The following MFSD6 variants were observed in gnomAD, a reference collection of about 807,000 sequenced individuals.
The protein encoded by MFSD6 is major facilitator superfamily domain-containing protein 6.
A neutral mutation model predicts 56.3 loss-of-function variants in MFSD6; 26 were observed. That is an observed-to-expected ratio of 0.46 (90% CI 0.34 to 0.64). MFSD6 has a LOEUF of 0.64. MFSD6 is among the 30% of genes least tolerant of loss of function. MFSD6 has a pLI of 0.01. For missense variants in MFSD6, 750 were observed against 986.2 expected (o/e 0.76, Z 3.21); for synonymous variants, 331 against 366.9 (o/e 0.90, Z 1.12).
At position 190,436,832 on chromosome 2, in the gene MFSD6, A is replaced by T; in HGVS notation, c.803A>T (p.Lys268Ile). 6.2e-7 allele frequency: 1 copy of T among 1,614,158 alleles called. No individual in the cohort carries two copies. ...ACCACTGTTATTGTTACCACCACCA[A>T]ATCTTTACCTTCTGACCAAGTCATG... Reference protein sequence around the residue: ...ETTTVIVTTTKSLPSDQVMLV... With the variant: ...ETTTVIVTTTISLPSDQVMLV... Residue 268 changes from lysine (K) to isoleucine (I), a missense_variant, in exon 3 of 8, where the codon AAA becomes ATA. Lys to Ile is a moderately radical substitution (Grantham distance 102). Transcript: ENST00000392328. This position sits in a 1 kb window ranked among gnomAD's most constrained non-coding sequence, Gnocchi z 5.3.
Position 190,469,939 on chromosome 2 carries a change from C to G in MFSD6, c.1630+84C>G. On this transcript the variant is annotated intron_variant, in intron 4 of 7. Coordinates refer to ENST00000392328, the MANE Select transcript of MFSD6 (RefSeq NM_017694.4). The surrounding 1 kb of genome is among the most constrained non-coding windows in gnomAD (Gnocchi z 5.3). ...GCCCAGTGGCCTTCAGCATCTGATT[C>G]TATAAAGGAAGGGCAGGCCTACTGT... 1.1e-6 allele frequency: 1 copy of G among 944,840 alleles called. No homozygotes were observed. Among genetic ancestry groups the G allele is most frequent in the Non-Finnish European group, 1.6e-6 (1 of 610,768 alleles). The allele number at this position is 944,840 out of a possible 1,614,324, so 58.5% of individuals were successfully genotyped here. A position where few individuals can be genotyped will look rare whatever the true frequency, so the allele number is the denominator to read the frequency against.
At position 190,436,087 on chromosome 2, in the gene MFSD6, T is replaced by A. The variant is rs774317648; in HGVS notation, c.58T>A (p.Tyr20Asn). 6.2e-7 allele frequency: 1 copy of A among 1,614,164 alleles called. No individual in the cohort carries two copies. Among genetic ancestry groups the A allele is most frequent in the Admixed American group, 1.7e-5 (1 of 60,022 alleles). The change falls in exon 3 of 8, where the codon TAT (tyrosine) becomes AAT (asparagine). Residue 20 changes from tyrosine (Y) to asparagine (N), a missense_variant. By Grantham distance (143) the Tyr-to-Asn change is moderately radical. Coordinates refer to ENST00000392328, the MANE Select transcript of MFSD6 (RefSeq NM_017694.4). The surrounding 1 kb of genome is among the most constrained non-coding windows in gnomAD (Gnocchi z 5.3). ...TGATGAAGAGGAACAGAAGAGAAAGTATGTGCTTGCAGATCCCTTTAATGG... is the reference window on the plus strand; with the variant it reads ...TGATGAAGAGGAACAGAAGAGAAAGAATGTGCTTGCAGATCCCTTTAATGG... ...TDDEEEQKRKYVLADPFNGIS... is the reference protein window; with the variant it reads ...TDDEEEQKRKNVLADPFNGIS...
rs931905043 is a variant in MFSD6, at chr2:190,489,565, C to A, written c.1793-203C>A. ...ATGCAGTTTTATAATCGATCAATGA[C>A]AGATCCAATATCAGCCCTGGGTCTC... On this transcript the variant is annotated intron_variant, in intron 5 of 7. Transcript: ENST00000392328. The surrounding 1 kb of genome is among the most constrained non-coding windows in gnomAD (Gnocchi z 6.6). Among the ~76,000 whole-genome samples the A allele has an allele frequency of 2.6e-5, 4 of 152,194 alleles. No individual in the cohort carries two copies. Among genetic ancestry groups the A allele is most frequent in the Non-Finnish European group, 4.4e-5 (3 of 68,026 alleles).
At position 190,437,627 on chromosome 2, in the gene MFSD6, CCTT is replaced by C. The variant is rs1686224052; in HGVS notation, c.1532+69_1532+71del. 3.5e-5 allele frequency: 53 copies of C among 1,498,866 alleles called. 1 individual carries two copies. The highest frequency in any genetic ancestry group is 2.8e-4 in the South Asian group (21 of 76,352). The allele number at this position is 1,498,866 out of a possible 1,614,324, so 92.8% of individuals were successfully genotyped here. On this transcript the variant is annotated intron_variant, in intron 3 of 7. Coordinates refer to ENST00000392328, the MANE Select transcript of MFSD6 (RefSeq NM_017694.4). This position sits in a 1 kb window ranked among gnomAD's most constrained non-coding sequence, Gnocchi z 5.9. ...CTTTATCTTTTTATGGTTTATAGCTCCTTCTACTACAATTTTAAGGTATTATAA... is the reference window on the plus strand; with the variant it reads ...CTTTATCTTTTTATGGTTTATAGCTCCTACTACAATTTTAAGGTATTATAA...
Position 190,431,376 on chromosome 2 carries a change from C to T in MFSD6, c.-53-4601C>T, listed in dbSNP as rs373820157. Among the ~76,000 whole-genome samples, 128 of 152,312 alleles carry T rather than the reference C, an allele frequency of 8.4e-4. No homozygotes were observed. Among genetic ancestry groups the T allele is most frequent in the African/African-American group, 3.0e-3 (125 of 41,558 alleles). The stretch of plus-strand genomic sequence containing the variant: ...GGCAGCTGGGAGGTGGAGGTTGTAG[C>T]GAGCCGAGATCACCCCACTGCACTC... On this transcript the variant is annotated intron_variant, in intron 2 of 7. Transcript: ENST00000392328. The surrounding 1 kb of genome is among the most constrained non-coding windows in gnomAD (Gnocchi z 4.4).
In MFSD6 at chr2:190,497,819, G is replaced by GA; in HGVS notation, c.2172+103dup. On this transcript the variant is annotated intron_variant, in intron 7 of 7. Transcript: ENST00000392328. This position sits in a 1 kb window ranked among gnomAD's most constrained non-coding sequence, Gnocchi z 5.2. Reference sequence around the variant, plus strand: ...CACTTTTCATTCAACAAGATTTATTGAAAGTCTGGTGGGGGAAATAGACAT... The same window carrying GA: ...CACTTTTCATTCAACAAGATTTATTGAAAAGTCTGGTGGGGGAAATAGACAT... 1 of 1,380,544 alleles carries GA rather than the reference G, an allele frequency of 7.2e-7. No homozygotes were observed. The highest frequency in any genetic ancestry group is 9.9e-7 in the Non-Finnish European group (1 of 1,013,062). The allele number at this position is 1,380,544 out of a possible 1,614,324, so 85.5% of individuals were successfully genotyped here.
chr2:190,447,984 G>T lies in MFSD6; in HGVS notation c.1532+10423G>T, dbSNP rs751752823. 7.2e-5 allele frequency among the ~76,000 whole-genome samples: 11 copies of T among 152,234 alleles called. No individual in the cohort carries two copies. The highest frequency in any genetic ancestry group is 1.3e-4 in the Non-Finnish European group (9 of 68,034). On this transcript the variant is annotated intron_variant, in intron 3 of 7. Coordinates refer to ENST00000392328, the MANE Select transcript of MFSD6 (RefSeq NM_017694.4). This position sits in a 1 kb window ranked among gnomAD's most constrained non-coding sequence, Gnocchi z 4.5. ...AAGAAAAGGCCATTGTTGCAAAGTG[G>T]TATAAATGGATCCAGGGCTTTTACT...
rs1689924085 is a variant in MFSD6 at position 190,499,715 on chromosome 2, A to G, written c.2173-300A>G. On this transcript the variant is annotated intron_variant, in intron 7 of 7. Coordinates refer to ENST00000392328, the MANE Select transcript of MFSD6 (RefSeq NM_017694.4). This position sits in a 1 kb window ranked among gnomAD's most constrained non-coding sequence, Gnocchi z 6.0. ...GCCACATGGCTTGGGGGGCTCAGTAAATATTTGCTGATGTAAACTGTTTAC... is the reference window on the plus strand; with the variant it reads ...GCCACATGGCTTGGGGGGCTCAGTAGATATTTGCTGATGTAAACTGTTTAC... 1 of 1,137,394 alleles carries G rather than the reference A, an allele frequency of 8.8e-7. No homozygotes were observed. Among genetic ancestry groups the G allele is most frequent in the South Asian group, 1.4e-5 (1 of 69,554 alleles). 70.5% of individuals were successfully genotyped at this position (1,137,394 alleles called of 1,614,324 possible).
Position 190,412,224 on chromosome 2 carries a change from A to T in MFSD6, c.-175-3068A>T. The T allele has an allele frequency of 1.0e-6, 1 of 985,166 alleles. No homozygotes were observed. 61.0% of individuals were successfully genotyped at this position (985,166 alleles called of 1,614,324 possible). On this transcript the variant is annotated intron_variant, in intron 1 of 7. Transcript: ENST00000392328. This position sits in a 1 kb window ranked among gnomAD's most constrained non-coding sequence, Gnocchi z 4.1. ...AAATCCAGAGCCATAATACATTCAG[A>T]CTTTTCAGAATCAAGAAAACACATG...
rs1196636078 is a variant in MFSD6 at position 190,487,040 on chromosome 2, T to A, written c.1631-1617T>A. On this transcript the variant is annotated intron_variant, in intron 4 of 7. Coordinates refer to ENST00000392328, the MANE Select transcript of MFSD6 (RefSeq NM_017694.4). This position sits in a 1 kb window ranked among gnomAD's most constrained non-coding sequence, Gnocchi z 5.5. ...TAAATTGTTTCTGCACTCATTTTTT[T>A]AACTGAACTATATATTAAGAAGCAT... Among the ~76,000 whole-genome samples, 1 of 152,164 alleles carries A rather than the reference T, an allele frequency of 6.6e-6. No homozygotes were observed. The highest frequency in any genetic ancestry group is 1.9e-4 in the East Asian group (1 of 5,194).
At chr2:190,435,002 CTCCTTATGAGAACCTAAGAAT>C (rs529815076) in intron 2 of MFSD6, among the ~76,000 whole-genome samples, 1 of 152,320 alleles carries the variant, frequency 6.6e-6, no homozygotes, top group Non-Finnish European at 1.5e-5. Flanking sequence ...AGGTTGTGTG[CTCCTTATGAGAACCTAAGAAT>C]TACCCTGATG....
rs75575191 is a variant in MFSD6 at position 190,431,892 on chromosome 2, T to A, written c.-53-4085T>A. On this transcript the variant is annotated intron_variant, in intron 2 of 7. Coordinates refer to ENST00000392328, the MANE Select transcript of MFSD6 (RefSeq NM_017694.4). The surrounding 1 kb of genome is among the most constrained non-coding windows in gnomAD (Gnocchi z 4.4). ...ATTCCTTTTATCTGTCCATCCTTTT[T>A]CTTTAAAAATATACATTATTCTGGT... is the stretch of plus-strand genomic sequence containing the variant. Among the ~76,000 whole-genome samples the A allele has an allele frequency of 5.9e-3, 900 of 152,342 alleles. 10 individuals are homozygous for A. Among genetic ancestry groups the A allele is most frequent in the African/African-American group, 0.021 (863 of 41,582 alleles).
chr2:190,432,217 AGAG>A (rs1315485739), intron 2 of MFSD6, among the ~76,000 whole-genome samples: 3 of 152,222 alleles, frequency 2.0e-5, no homozygotes. Context: ...CAGATTTTCT[AGAG>A]AAGAGGCTTT....
rs1690610966 is a variant in MFSD6 at position 190,412,745 on chromosome 2, T to C, written c.-175-2547T>C. 1 of 412,382 alleles carries C rather than the reference T, an allele frequency of 2.4e-6. No homozygotes were observed. Among genetic ancestry groups the C allele is most frequent in the Non-Finnish European group, 3.3e-6 (1 of 306,468 alleles). The allele number at this position is 412,382 out of a possible 1,614,324, so 25.5% of individuals were successfully genotyped here. On this transcript the variant is annotated intron_variant, in intron 1 of 7. Transcript: ENST00000392328. This position sits in a 1 kb window ranked among gnomAD's most constrained non-coding sequence, Gnocchi z 4.1. ...GAGAGGGGCTTGTGTCAGCCTGATT[T>C]GTTTTCCTAAATTCTGAATGATACG... is the stretch of plus-strand genomic sequence containing the variant.
intron 4 of MFSD6, among the ~76,000 whole-genome samples, chr2:190,478,902 A>G (rs1200331070): frequency 6.6e-6 from 1 of 152,096 alleles, no homozygotes; most frequent in African/African-American, 2.4e-5. Context: ...AAACACCACG[A>G]GAACTAGTAC....
At position 190,467,719 on chromosome 2, in the gene MFSD6, T is replaced by C. The variant is rs1375297236; in HGVS notation, c.1533-2039T>C. Among the ~76,000 whole-genome samples, 1 of 152,166 alleles carries C rather than the reference T, an allele frequency of 6.6e-6. No individual in the cohort carries two copies. Among genetic ancestry groups the C allele is most frequent in the Non-Finnish European group, 1.5e-5 (1 of 68,028 alleles). ...TTTTATATGGCCCGTGAACTAAGAA[T>C]AATAGTTTCTACATGTTTAAATGGT... On this transcript the variant is annotated intron_variant, in intron 3 of 7. Transcript: ENST00000392328. This position sits in a 1 kb window ranked among gnomAD's most constrained non-coding sequence, Gnocchi z 5.5.
rs1689784032 is a variant in MFSD6 at position 190,497,731 on chromosome 2, T to C, written c.2172+12T>C. The C allele has an allele frequency of 6.2e-7, 1 of 1,605,426 alleles. No homozygotes were observed. The highest frequency in any genetic ancestry group is 8.5e-7 in the Non-Finnish European group (1 of 1,173,446). ...TACAGCCTTTACAGGTACAGTTCCT[T>C]TGCTGGGCTAGCAATATTACCTGTC... is the stretch of plus-strand genomic sequence containing the variant. On this transcript the variant is annotated intron_variant, in intron 7 of 7. Coordinates refer to ENST00000392328, the MANE Select transcript of MFSD6 (RefSeq NM_017694.4). The surrounding 1 kb of genome is among the most constrained non-coding windows in gnomAD (Gnocchi z 5.2).
chr2:190,478,470 C>G (rs1278758974), intron 4 of MFSD6, among the ~76,000 whole-genome samples: 1 of 152,184 alleles, frequency 6.6e-6, no homozygotes, highest in Non-Finnish European at 1.5e-5. Context: ...TCCTGCATCA[C>G]AGAAATACAT....
In MFSD6 at chr2:190,499,661, G is replaced by GT. The variant is rs1326332419; in HGVS notation, c.2173-352dup. Among the ~76,000 whole-genome samples the GT allele has an allele frequency of 6.6e-6, 1 of 152,262 alleles. No homozygotes were observed. Among genetic ancestry groups the GT allele is most frequent in the Non-Finnish European group, 1.5e-5 (1 of 68,050 alleles). On this transcript the variant is annotated intron_variant, in intron 7 of 7. Coordinates refer to ENST00000392328, the MANE Select transcript of MFSD6 (RefSeq NM_017694.4). The surrounding 1 kb of genome is among the most constrained non-coding windows in gnomAD (Gnocchi z 6.0). ...GTCTTAGCAAGCGGCCTGAGTTTCA[G>GT]TTATTCCATAGTGCTTGCCCAGCGA...
Sources: gnomAD v4.1 joint callset for allele counts (sites outside exome capture counted in the v4.1 genomes callset) on GRCh38, gnomAD v4.1.1 for gene constraint, Gnocchi (gnomAD v3.1) non-coding constraint, MANE v1.5 for transcripts, NCBI Gene and HGNC (gene_info 2026-07-23, HGNC 2026-07-21) for gene names.